MYOM1: variants seen among roughly 807,000 people sequenced by gnomAD.
MYOM1 encodes myomesin-1.
A neutral mutation model predicts 205.3 loss-of-function variants in MYOM1; 164 were observed. The ratio of observed to expected loss-of-function variants is 0.80; its 90% CI spans 0.70 to 0.91. The LOEUF (loss-of-function observed/expected upper bound fraction) is 0.91. MYOM1 is among the 40% of genes least tolerant of loss of function. MYOM1 has a pLI of 0.00. For synonymous variants in MYOM1, 772 were observed against 789.4 expected (o/e 0.98, Z 0.37); for missense variants, 2,011 against 2,127.3 (o/e 0.95, Z 1.08).
chr18:3,181,046 C>G (rs2080722835), intron 5 of MYOM1, among the ~76,000 whole-genome samples: 1 of 152,014 alleles, frequency 6.6e-6, no homozygotes, highest in Non-Finnish European at 1.5e-5. Context: ...CCTGCCTCAG[C>G]CTCCCAAGTA....
Position 3,187,597 on chromosome 18 carries a change from T to C in MYOM1, c.812A>G (p.Asp271Gly), listed in dbSNP as rs758194275. 3.7e-6 allele frequency: 6 copies of C among 1,612,942 alleles called. No homozygotes were observed. The highest frequency in any genetic ancestry group is 5.1e-6 in the Non-Finnish European group (6 of 1,179,216). The change falls in exon 5 of 38, where the codon GAC (aspartate) becomes GGC (glycine). Residue 271 changes from aspartate to glycine, a missense_variant. Transcript: ENST00000356443. Reference protein sequence around the residue: ...TETYHAKLNEDHLLHAPEFII... With the variant: ...TETYHAKLNEGHLLHAPEFII... The stretch of plus-strand genomic sequence containing the variant: ...AAACTCAGGAGCATGGAGAAGATGG[T>C]CTTCATTCAGCTTGGCATGATATGT...
intron 2 of MYOM1, among the ~76,000 whole-genome samples, chr18:3,194,492 C>T (rs117634105): frequency 0.011 from 1,661 of 152,294 alleles, 14 homozygotes; most frequent in Non-Finnish European, 0.019. Context: ...TGGGAACACA[C>T]GATGCCGATT....
At chr18:3,233,795 G>C in the MYOM1 span, among the ~76,000 whole-genome samples, 1 of 152,190 alleles carries the variant, frequency 6.6e-6, no homozygotes, top group Admixed American at 6.5e-5. Context: ...GATTTCAGTG[G>C]AATTAGGCCT....
At chr18:3,228,674 T>G in the MYOM1 span, among the ~76,000 whole-genome samples, 1 of 152,180 alleles carries the variant, frequency 6.6e-6, no homozygotes, top group Non-Finnish European at 1.5e-5. The surrounding 1 kb of genome is among the most constrained non-coding windows in gnomAD (Gnocchi z 4.5). Context: ...TTTAGTCAAT[T>G]TTTACATTGT....
the MYOM1 span, among the ~76,000 whole-genome samples, chr18:3,236,144 C>G: frequency 4.9e-3 from 737 of 151,682 alleles, 6 homozygotes; most frequent in African/African-American, 0.017. Flanking sequence ...AGCATAGTCA[C>G]GTAAGTAGAG....
chr18:3,207,263 A>G (rs569741133), intron 2 of MYOM1, among the ~76,000 whole-genome samples: 1 of 152,336 alleles, frequency 6.6e-6, no homozygotes, highest in African/African-American at 2.4e-5. Flanking sequence ...TACATCCTTC[A>G]GTTGTTATTC....
chr18:3,193,861 C>CT lies in MYOM1; in HGVS notation c.387dup (p.Glu130ArgfsTer6). ...ACCATGTAGTCACTGGGCAAATTTT[C>CT]TTTCTCTTCTCCAGACAGTAGGCTG... On this transcript the variant is annotated frameshift_variant, in exon 3 of 38. Transcript: ENST00000356443. LOFTEE classifies it high-confidence loss of function. 1 of 1,613,818 alleles carries CT rather than the reference C, an allele frequency of 6.2e-7. No individual in the cohort carries two copies. Among genetic ancestry groups the CT allele is most frequent in the Non-Finnish European group, 8.5e-7 (1 of 1,179,788 alleles).
intron 19 of MYOM1, among the ~76,000 whole-genome samples, chr18:3,124,281 A>G (rs1281644555): frequency 6.7e-6 from 1 of 149,050 alleles, no homozygotes; most frequent in Non-Finnish European, 1.5e-5. Context: ...AATAGCAGGC[A>G]GACGACAAAC....
chr18:3,175,441 G>A (rs1384189224), intron 6 of MYOM1, among the ~76,000 whole-genome samples: 1 of 151,982 alleles, frequency 6.6e-6, no homozygotes, highest in East Asian at 1.9e-4. Flanking sequence ...TGGGAACTTA[G>A]GAATTTTGAT....
At chr18:3,083,942 G>C (rs2079119968) in intron 32 of MYOM1, 47 bp downstream of exon 32, 2 of 1,577,816 alleles carry the variant, frequency 1.3e-6, no homozygotes, top group Non-Finnish European at 1.7e-6. Context: ...GCCCCTCCTG[G>C]CAGGAGGATC....
chr18:3,075,854 C>G, intron 34 of MYOM1, 93 bp from the exon 35 acceptor site: 1 of 1,163,422 alleles, frequency 8.6e-7, no homozygotes, highest in Non-Finnish European at 1.2e-6. Flanking sequence ...TTGCTGTGAT[C>G]GGTCCAGACA....
At chr18:3,223,885 G>GT (rs2081341632), upstream of MYOM1, among the ~76,000 whole-genome samples, 1 of 152,162 alleles carries the variant, frequency 6.6e-6, no homozygotes, top group African/African-American at 2.4e-5. Context: ...TGTATAATGA[G>GT]TAGCGGAGAG....
intron 17 of MYOM1, among the ~76,000 whole-genome samples, chr18:3,130,289 C>T (rs28650158): frequency 0.35 from 53,634 of 151,644 alleles, 9,602 homozygotes; most frequent in East Asian, 0.58. Context: ...GTGATCCACC[C>T]GCCTTAGCCT....
intron 10 of MYOM1, among the ~76,000 whole-genome samples, chr18:3,156,538 A>G (rs780238879): frequency 2.6e-5 from 4 of 152,324 alleles, no homozygotes; most frequent in South Asian, 4.1e-4. Context: ...CATTGTGCCT[A>G]AAACTTAATG....
At chr18:3,067,915 G>A (rs1201522586) in intron 37 of MYOM1, among the ~76,000 whole-genome samples, 1 of 152,078 alleles carries the variant, frequency 6.6e-6, no homozygotes, top group Non-Finnish European at 1.5e-5. Context: ...GTTCTGTCTC[G>A]GTACAGGAAT....
intron 19 of MYOM1, among the ~76,000 whole-genome samples, chr18:3,121,829 A>G (rs1003180082): frequency 2.0e-5 from 3 of 152,202 alleles, no homozygotes; most frequent in African/African-American, 7.2e-5. Flanking sequence ...AAAATGAAAC[A>G]CAGAACAGGC....
intron 19 of MYOM1, among the ~76,000 whole-genome samples, chr18:3,120,653 T>A (rs1422061059): frequency 2.0e-5 from 3 of 152,128 alleles, no homozygotes; most frequent in Non-Finnish European, 4.4e-5. Flanking sequence ...AAATGTGCAT[T>A]GTTTTCAGCC....
chr18:3,126,896 T>G lies in MYOM1; in HGVS notation c.2796A>C (p.Ala932=). The G allele has an allele frequency of 6.2e-7, 1 of 1,606,478 alleles. No individual in the cohort carries two copies. Among genetic ancestry groups the G allele is most frequent in the East Asian group, 2.2e-5 (1 of 44,728 alleles). Residue 932 remains alanine, a splice_region_variant and synonymous_variant, in exon 19 of 38, where the codon GCA becomes GCC. Coordinates refer to ENST00000356443, the MANE Select transcript of MYOM1 (RefSeq NM_003803.4). ...TGATATCACAGGGTGGAGATGGTGGTGCTGTAGCAATATGAATAGCTTGTG... is the reference window on the plus strand; with the variant it reads ...TGATATCACAGGGTGGAGATGGTGGGGCTGTAGCAATATGAATAGCTTGTG... ...SDPLKKKTDR[A]PPSPPCDITC...
chr18:3,112,414 T>C lies in MYOM1; in HGVS notation c.3304-2A>G, dbSNP rs1456536808. 6.3e-7 allele frequency: 1 copy of C among 1,593,108 alleles called. No individual in the cohort carries two copies. Among genetic ancestry groups the C allele is most frequent in the Non-Finnish European group, 8.6e-7 (1 of 1,166,506 alleles). The stretch of plus-strand genomic sequence containing the variant: ...GACGCCCTCCTTGAGGCCTCGAACC[T>C]GGTAGAAGCAGGTGTAGAAGCAATG... On this transcript the variant is annotated splice_acceptor_variant, in intron 21 of 37. Coordinates refer to ENST00000356443, the MANE Select transcript of MYOM1 (RefSeq NM_003803.4). LOFTEE classifies it high-confidence loss of function.
Sources: gnomAD v4.1 joint callset for allele counts (sites outside exome capture counted in the v4.1 genomes callset) on GRCh38, gnomAD v4.1.1 for gene constraint, Gnocchi (gnomAD v3.1) non-coding constraint, MANE v1.5 for transcripts, NCBI Gene and HGNC (gene_info 2026-07-23, HGNC 2026-07-21) for gene names.